JAK1: variants seen among roughly 807,000 people sequenced by gnomAD.
JAK1 encodes Janus kinase 1.
A neutral mutation model predicts 136.6 loss-of-function variants in JAK1; 16 were observed. The ratio of observed to expected loss-of-function variants is 0.12; its 90% CI spans 0.08 to 0.18. The LOEUF is 0.18. Among genes scored for constraint, JAK1 ranks in the 10% least tolerant of loss-of-function variants. The pLI, the probability that JAK1 is intolerant of heterozygous loss-of-function variation, is 1.00. For missense variants in JAK1, 859 were observed against 1,450.1 expected, an observed-to-expected ratio of 0.59 and a Z score of 6.62; for synonymous variants, 492 against 519.5, an observed-to-expected ratio of 0.95 and a Z score of 0.72.
chr1:65,055,396 T>G (rs553365227), intron 1 of JAK1, among the ~76,000 whole-genome samples: 1 of 152,372 alleles, frequency 6.6e-6, no homozygotes, highest in East Asian at 1.9e-4. Flanking sequence ...ATTTATCTAC[T>G]TATCCATCAA....
chr1:65,036,040 CCTGGG>C (rs1647070027), intron 2 of JAK1, among the ~76,000 whole-genome samples: 1 of 152,058 alleles, frequency 6.6e-6, no homozygotes, highest in African/African-American at 2.4e-5. Flanking sequence ...TGTACTCCAG[CCTGGG>C]TGACAGAGAC....
At chr1:64,947,937 C>T (rs1445131549) in intron 1 of JAK1, among the ~76,000 whole-genome samples, 1 of 151,968 alleles carries the variant, frequency 6.6e-6, no homozygotes, top group Non-Finnish European at 1.5e-5. Flanking sequence ...AAAGTTTATA[C>T]AGAAATAGAT....
At chr1:65,061,053 G>A (rs576537490) in intron 1 of JAK1, among the ~76,000 whole-genome samples, 12 of 152,188 alleles carry the variant, frequency 7.9e-5, no homozygotes, top group Non-Finnish European at 1.3e-4. Flanking sequence ...TCTTCATAAC[G>A]CATATACCAA....
intron 1 of JAK1, among the ~76,000 whole-genome samples, chr1:64,901,770 C>A (rs1055213866): frequency 6.6e-6 from 1 of 152,132 alleles, no homozygotes; most frequent in African/African-American, 2.4e-5. Flanking sequence ...TTCACCACCC[C>A]AAAAAGAAAC....
chr1:64,870,990 C>T (rs55678615), intron 5 of JAK1, among the ~76,000 whole-genome samples: 1,606 of 152,246 alleles, frequency 0.011, 15 homozygotes, highest in Non-Finnish European at 0.014. Context: ...GTCAATCTAA[C>T]GCCATGCTTA....
upstream of JAK1, among the ~76,000 whole-genome samples, chr1:64,968,931 C>CA (rs10708307): frequency 0.015 from 946 of 63,762 alleles, 15 homozygotes; most frequent in African/African-American, 0.046. Flanking sequence ...GACTCCCTCT[C>CA]AAAAAAAAAA....
At chr1:65,028,841 TCA>T (rs1296798746) in intron 2 of JAK1, among the ~76,000 whole-genome samples, 4 of 152,182 alleles carry the variant, frequency 2.6e-5, no homozygotes, top group African/African-American at 9.7e-5. Flanking sequence ...ATGGCCAATG[TCA>T]CACACAACTG....
chr1:65,001,691 ATGTGTGCCTGAAAGGCAGCAAGTG>A (rs1252922404), intron 2 of JAK1, among the ~76,000 whole-genome samples: 1 of 122,206 alleles, frequency 8.2e-6, no homozygotes, highest in African/African-American at 3.3e-5. Flanking sequence ...GGGGGGGGGT[ATGTGTGCCTGAAAGGCAGCAAGTG>A]TGTGTGCGTG....
chr1:64,852,857 C>T (rs186481737), intron 11 of JAK1, among the ~76,000 whole-genome samples: 141 of 152,230 alleles, frequency 9.3e-4, no homozygotes, highest in South Asian at 7.7e-3. Context: ...GACTGGTTGC[C>T]GCCGTGATTA....
Position 65,052,555 on chromosome 1 carries a change from G to A in JAK1, c.-180-7973C>T, listed in dbSNP as rs192153161. On this transcript the variant is annotated intron_variant, in intron 1 of 25. Coordinates refer to the JAK1 transcript ENST00000671954. ...AGGCTGGGCGCAGTGGCTCATGCCT[G>A]TAATCCCAGCACCTTTGGGAGGCCG... Among the ~76,000 whole-genome samples, 674 of 152,194 alleles carry A rather than the reference G, an allele frequency of 4.4e-3. 3 individuals carry two copies. The highest frequency in any genetic ancestry group is 0.014 in the African/African-American group (578 of 41,546).
chr1:65,038,198 C>CTTTT (rs113538392), intron 2 of JAK1, among the ~76,000 whole-genome samples: 1 of 133,292 alleles, frequency 7.5e-6, no homozygotes, highest in South Asian at 2.4e-4. Flanking sequence ...TTTTTCTTTT[C>CTTTT]TTTTTTTTTT....
intron 14 of JAK1, among the ~76,000 whole-genome samples, chr1:64,846,177 C>T (rs1190326335): frequency 6.6e-6 from 1 of 152,224 alleles, no homozygotes; most frequent in East Asian, 1.9e-4. Context: ...GGCCACCCCT[C>T]CATCTCAGTG....
intron 5 of JAK1, among the ~76,000 whole-genome samples, chr1:64,870,108 G>C (rs1656986251): frequency 6.6e-6 from 1 of 152,184 alleles, no homozygotes; most frequent in African/African-American, 2.4e-5. Flanking sequence ...GCAGTGCCCA[G>C]CCCAGCTTTG....
intron 2 of JAK1, among the ~76,000 whole-genome samples, chr1:65,040,910 C>T (rs539382574): frequency 3.6e-4 from 54 of 151,926 alleles, no homozygotes; most frequent in Non-Finnish European, 6.5e-4. Flanking sequence ...TAAAGGAAGC[C>T]CAGGAAGTGA....
At chr1:64,909,001 T>TGAAC (rs961360721) in intron 1 of JAK1, among the ~76,000 whole-genome samples, 2 of 152,200 alleles carry the variant, frequency 1.3e-5, no homozygotes, top group Admixed American at 1.3e-4. Context: ...AATGAATGAA[T>TGAAC]GAACGAACGA....
rs867488316 is a variant in JAK1 at position 65,019,568 on chromosome 1, G to A, written c.-78+24912C>T. Among the ~76,000 whole-genome samples, 24 of 151,456 alleles carry A rather than the reference G, an allele frequency of 1.6e-4. No individual in the cohort carries two copies. The Middle Eastern group carries it at 0.014, about 86-fold the overall frequency. ...AAAAGGAAACTTTTAAGTGAAATAG[G>A]GTACCTACAGAAAATCTGTAGCAAA... On this transcript the variant is annotated intron_variant, in intron 2 of 25. Transcript: ENST00000671954.
chr1:64,979,721 CA>C, intron 2 of JAK1: 1 of 152,230 alleles, frequency 6.6e-6, no homozygotes, highest in East Asian at 1.9e-4. Flanking sequence ...GAGGAAAAGG[CA>C]AGACATCCAT....
At chr1:64,852,995 C>T (rs908699055) in intron 11 of JAK1, among the ~76,000 whole-genome samples, 5 of 152,178 alleles carry the variant, frequency 3.3e-5, no homozygotes, top group Non-Finnish European at 7.3e-5. Context: ...TGAGCCGTCA[C>T]GCCCACTCTG....
chr1:64,947,799 G>A (rs1223029671), intron 1 of JAK1, among the ~76,000 whole-genome samples: 1 of 151,690 alleles, frequency 6.6e-6, no homozygotes, highest in African/African-American at 2.4e-5. Context: ...TTAGGTAGTA[G>A]AATTTCAAAT....
Sources: allele counts gnomAD v4.1 joint callset (sites outside exome capture counted in the v4.1 genomes callset), GRCh38; gene constraint gnomAD v4.1.1; transcripts MANE v1.5; gene names NCBI Gene and HGNC (gene_info 2026-07-23, HGNC 2026-07-21).